Variants in PDE1C observed in about 807,000 individuals in gnomAD.
PDE1C encodes the protein phosphodiesterase 1C.
PDE1C carries 62 observed loss-of-function variants against 93.1 expected under a neutral mutation model. That is an observed-to-expected ratio of 0.67 (90% CI 0.54 to 0.82). PDE1C has a LOEUF of 0.82. Ranked by LOEUF, PDE1C falls within the 40% of genes least tolerant of loss-of-function variation. The pLI is 0.00. For missense variants in PDE1C, 742 were observed against 884.6 expected (o/e 0.84, Z 2.04); for synonymous variants, 325 against 310.1 (o/e 1.05, Z -0.50).
chr7:31,983,725 T>C (rs1282925169), intron 2 of PDE1C, among the ~76,000 whole-genome samples: 1 of 152,206 alleles, frequency 6.6e-6, no homozygotes, highest in African/African-American at 2.4e-5. Context: ...TACCTGTGTA[T>C]TTCTTTCATG....
chr7:31,886,212 A>C (rs1325638811), intron 2 of PDE1C, among the ~76,000 whole-genome samples: 2 of 152,154 alleles, frequency 1.3e-5, no homozygotes, highest in Non-Finnish European at 2.9e-5. Context: ...CAGCATACTC[A>C]TCTCTGTGTC....
rs888222088 is a variant in PDE1C, at chr7:32,327,081, C to T, written c.310+100741G>A. 6.6e-5 allele frequency among the ~76,000 whole-genome samples: 10 copies of T among 152,148 alleles called. No homozygotes were observed. The South Asian group carries it at 1.7e-3, about 25-fold the overall frequency. ...CTTGCTCACAAGACACATATGCACA[C>T]GAGCACACAGAAACATCTCCGTAAT... On this transcript the variant is annotated intron_variant, in intron 1 of 1. Transcript: ENST00000672256.
intron 3 of PDE1C, among the ~76,000 whole-genome samples, chr7:32,169,436 G>A (rs903045576): frequency 2.0e-5 from 3 of 152,102 alleles, no homozygotes; most frequent in Non-Finnish European, 2.9e-5. Context: ...TTCCCAACAC[G>A]TGCTTTTTCT....
chr7:31,629,726 G>A, the PDE1C span, among the ~76,000 whole-genome samples: 1 of 152,104 alleles, frequency 6.6e-6, no homozygotes, highest in Non-Finnish European at 1.5e-5. Context: ...GTGCATAGTT[G>A]TATTTTAAAG....
chr7:31,650,461 G>A, the PDE1C span, among the ~76,000 whole-genome samples: 1 of 152,176 alleles, frequency 6.6e-6, no homozygotes, highest in Non-Finnish European at 1.5e-5. Flanking sequence ...CACAGCCTGA[G>A]AGAGAAAGTA....
At chr7:32,106,955 T>A (rs1798346076) in intron 3 of PDE1C, among the ~76,000 whole-genome samples, 1 of 140,278 alleles carries the variant, frequency 7.1e-6, no homozygotes. Flanking sequence ...AATAGATGGA[T>A]AATGTAAGCA....
intron 17 of PDE1C, among the ~76,000 whole-genome samples, chr7:31,755,580 AC>A (rs1794411949): frequency 6.6e-6 from 1 of 151,790 alleles, no homozygotes; most frequent in African/African-American, 2.4e-5. Flanking sequence ...TTCAAAAAAA[AC>A]AAAACAAAAC....
chr7:32,236,155 G>T (rs746703335), intron 1 of PDE1C, among the ~76,000 whole-genome samples: 1 of 151,936 alleles, frequency 6.6e-6, no homozygotes, highest in Non-Finnish European at 1.5e-5. Flanking sequence ...ATAGATCATA[G>T]ATCTAAATAT....
intron 2 of PDE1C, among the ~76,000 whole-genome samples, chr7:32,185,994 A>T (rs571647298): frequency 2.5e-5 from 3 of 120,140 alleles, no homozygotes; most frequent in Non-Finnish European, 5.0e-5. Context: ...CTACTTTCCC[A>T]TTTCTAATTC....
At chr7:31,642,710 C>T in the PDE1C span, 11 of 1,613,800 alleles carry the variant, frequency 6.8e-6, no homozygotes, top group Non-Finnish European at 9.3e-6. Context: ...AGCCAGAGTC[C>T]TGCTGAGAAT....
chr7:32,060,516 A>G (rs2128708104), intron 1 of PDE1C, among the ~76,000 whole-genome samples: 1 of 152,318 alleles, frequency 6.6e-6, no homozygotes, highest in Non-Finnish European at 1.5e-5. Context: ...CAATTTAAAT[A>G]TGGCAAAATG....
At chr7:32,051,704 C>A in intron 1 of PDE1C, 124 bp from the exon 2 acceptor site, 1 of 761,662 alleles carries the variant, frequency 1.3e-6, no homozygotes, top group Admixed American at 2.1e-5. Flanking sequence ...CTCTGTGAAG[C>A]TTATGGGTTT....
intron 1 of PDE1C, among the ~76,000 whole-genome samples, chr7:32,329,049 C>A (rs554141865): frequency 3.3e-5 from 5 of 152,132 alleles, no homozygotes; most frequent in African/African-American, 1.2e-4. Flanking sequence ...CTGGGCAACA[C>A]GGCAAAACCT....
intron 1 of PDE1C, among the ~76,000 whole-genome samples, chr7:32,283,467 T>C (rs1364739876): frequency 1.3e-5 from 2 of 152,250 alleles, no homozygotes; most frequent in Admixed American, 6.5e-5. Context: ...TCCACAATCA[T>C]ATGTTTAACT....
intron 2 of PDE1C, among the ~76,000 whole-genome samples, chr7:31,982,158 C>T (rs768698685): frequency 5.3e-5 from 8 of 152,146 alleles, no homozygotes; most frequent in Non-Finnish European, 1.0e-4. Context: ...GAGTCAACAG[C>T]GACCCAGGAA....
chr7:32,127,499 A>T (rs2128768607), intron 3 of PDE1C, among the ~76,000 whole-genome samples: 1 of 152,234 alleles, frequency 6.6e-6, no homozygotes, highest in Non-Finnish European at 1.5e-5. Context: ...ATAGAAAAAA[A>T]CTTTCCTGGG....
At chr7:32,069,799 G>A (rs1795810515) in intron 1 of PDE1C, among the ~76,000 whole-genome samples, 1 of 152,098 alleles carries the variant, frequency 6.6e-6, no homozygotes, top group Admixed American at 6.5e-5. Flanking sequence ...AGAACCCCAG[G>A]AAATATCAGA....
At chr7:32,052,297 T>C (rs1273621525) in intron 1 of PDE1C, 1 of 484,300 alleles carries the variant, frequency 2.1e-6, no homozygotes, top group South Asian at 1.5e-5. Flanking sequence ...CTTGGGCAAA[T>C]CTTGTGCATC....
At chr7:32,244,508 T>G (rs1191111797) in intron 1 of PDE1C, among the ~76,000 whole-genome samples, 3 of 152,216 alleles carry the variant, frequency 2.0e-5, no homozygotes, top group African/African-American at 7.2e-5. Flanking sequence ...GAATTCACTT[T>G]GGATCTTTTT....
Sources: gnomAD v4.1 joint callset for allele counts (sites outside exome capture counted in the v4.1 genomes callset) on GRCh38, gnomAD v4.1.1 for gene constraint, MANE v1.5 for transcripts, NCBI Gene and HGNC (gene_info 2026-07-23, HGNC 2026-07-21) for gene names.